ADAMTSL1: variants seen among roughly 807,000 people sequenced by gnomAD.
The protein encoded by ADAMTSL1 is ADAMTS like 1, also known as ADAMTS-like protein 1.
ADAMTSL1 carries 126 observed loss-of-function variants against 201.8 expected under a neutral mutation model. The ratio of observed to expected loss-of-function variants is 0.62; its 90% CI spans 0.54 to 0.72. The LOEUF (loss-of-function observed/expected upper bound fraction) is 0.72. Ranked by LOEUF, ADAMTSL1 falls within the 30% of genes least tolerant of loss-of-function variation. ADAMTSL1 has a pLI of 0.00. For missense variants in ADAMTSL1, 2,679 were observed against 2,277.8 expected (o/e 1.18, Z -3.59); for synonymous variants, 1,121 against 903.4 (o/e 1.24, Z -4.32).
chr9:18,828,248 C>T (rs1824717692), intron 22 of ADAMTSL1, among the ~76,000 whole-genome samples: 1 of 152,040 alleles, frequency 6.6e-6, no homozygotes. Flanking sequence ...CTGGGAAGAG[C>T]AAATGGACAT....
chr9:18,751,878 C>T lies in ADAMTSL1; in HGVS notation c.2007-1420C>T, dbSNP rs1433788231. ...GGCCGAGGCGGGCGGATCACGAGGT[C>T]GGGAGATCGAGGCCATCCCGGCTAA... On this transcript the variant is annotated intron_variant, in intron 15 of 28. Coordinates refer to ENST00000380548, the MANE Select transcript of ADAMTSL1 (RefSeq NM_001040272.6). Among the ~76,000 whole-genome samples, 2 of 2,966 alleles carry T rather than the reference C, an allele frequency of 6.7e-4. 1 individual carries two copies. The highest frequency in any genetic ancestry group is 1.8e-3 in the Non-Finnish European group (2 of 1,114). 1.9% of individuals were successfully genotyped at this position (2,966 alleles called of 152,430 possible).
chr9:18,654,714 G>T (rs1013999456), intron 7 of ADAMTSL1, among the ~76,000 whole-genome samples: 3 of 152,210 alleles, frequency 2.0e-5, no homozygotes, highest in Non-Finnish European at 4.4e-5. Context: ...TGAGGATACA[G>T]TATCTCTGTC....
chr9:17,934,888 C>T (rs1826940648), intron 1 of ADAMTSL1, among the ~76,000 whole-genome samples: 1 of 112,956 alleles, frequency 8.9e-6, no homozygotes, highest in African/African-American at 3.4e-5. Context: ...CCTCTTTCTG[C>T]ATCCTATTTC....
chr9:18,610,607 T>A (rs1431455926), intron 4 of ADAMTSL1, among the ~76,000 whole-genome samples: 1 of 152,170 alleles, frequency 6.6e-6, no homozygotes, highest in Non-Finnish European at 1.5e-5. Flanking sequence ...GATAGCACTG[T>A]CAAAGAAGTT....
chr9:18,241,550 TA>T (rs887861563), intron 2 of ADAMTSL1, among the ~76,000 whole-genome samples: 39 of 150,168 alleles, frequency 2.6e-4, no homozygotes, highest in Middle Eastern at 3.5e-3. Context: ...CTTCTCTCTT[TA>T]AAAAAAAAAT....
chr9:17,993,249 T>G (rs751025276), intron 1 of ADAMTSL1, among the ~76,000 whole-genome samples: 1 of 152,216 alleles, frequency 6.6e-6, no homozygotes, highest in East Asian at 1.9e-4. Flanking sequence ...TGGCCTTTTA[T>G]GAAGTTAGGG....
chr9:18,851,908 T>A (rs1312128768), intron 23 of ADAMTSL1, among the ~76,000 whole-genome samples: 1 of 152,246 alleles, frequency 6.6e-6, no homozygotes, highest in Non-Finnish European at 1.5e-5. Flanking sequence ...ATCAGGAAGC[T>A]GCTGATCACC....
At chr9:18,557,850 T>A (rs1821197313) in intron 3 of ADAMTSL1, among the ~76,000 whole-genome samples, 1 of 152,068 alleles carries the variant, frequency 6.6e-6, no homozygotes, top group South Asian at 2.1e-4. Context: ...TTGTCTTTTT[T>A]TTCTATTTAG....
chr9:18,194,464 G>A (rs1829093854), intron 2 of ADAMTSL1, among the ~76,000 whole-genome samples: 1 of 152,030 alleles, frequency 6.6e-6, no homozygotes, highest in African/African-American at 2.4e-5. Flanking sequence ...CCCCTGCGCT[G>A]GTCCTCCTAG....
At chr9:18,621,727 C>G (rs13293473) in intron 4 of ADAMTSL1, among the ~76,000 whole-genome samples, 9,650 of 152,220 alleles carry the variant, frequency 0.063, 391 homozygotes, top group Non-Finnish European at 0.093. Context: ...AAGCACTGTT[C>G]TCACTGCTTG....
intron 2 of ADAMTSL1, among the ~76,000 whole-genome samples, chr9:18,382,785 A>G (rs1298506671): frequency 6.6e-6 from 1 of 151,654 alleles, no homozygotes; most frequent in Admixed American, 6.6e-5. Flanking sequence ...CACCTACTGA[A>G]AAGAGATCTC....
chr9:17,946,599 T>C (rs1490673152), intron 1 of ADAMTSL1, among the ~76,000 whole-genome samples: 2 of 152,120 alleles, frequency 1.3e-5, no homozygotes, highest in Non-Finnish European at 2.9e-5. Context: ...GAAAATTTTC[T>C]AATTAAAAAT....
chr9:18,852,723 A>G (rs1280109661), intron 23 of ADAMTSL1, among the ~76,000 whole-genome samples: 2 of 152,226 alleles, frequency 1.3e-5, no homozygotes, highest in Non-Finnish European at 2.9e-5. Context: ...ACTATGATCA[A>G]ACCACATAAC....
chr9:18,132,466 T>G (rs1328539884), intron 1 of ADAMTSL1, among the ~76,000 whole-genome samples: 1 of 152,156 alleles, frequency 6.6e-6, no homozygotes, highest in Non-Finnish European at 1.5e-5. Context: ...TCTTAATTGT[T>G]AAATATCAGA....
chr9:18,275,815 T>C (rs1191491397), intron 2 of ADAMTSL1, among the ~76,000 whole-genome samples: 2 of 152,170 alleles, frequency 1.3e-5, no homozygotes. Flanking sequence ...AAAACTGTTA[T>C]TACATACTTG....
intron 1 of ADAMTSL1, among the ~76,000 whole-genome samples, chr9:17,960,702 C>G (rs543304212): frequency 3.3e-5 from 5 of 152,272 alleles, no homozygotes; most frequent in African/African-American, 1.2e-4. Flanking sequence ...CTCACTATTC[C>G]TGTATTCATC....
chr9:18,322,076 G>A (rs957814968), intron 2 of ADAMTSL1, among the ~76,000 whole-genome samples: 5 of 152,030 alleles, frequency 3.3e-5, no homozygotes, highest in Non-Finnish European at 7.4e-5. Context: ...AATAAATACT[G>A]CAAACTAAAC....
At chr9:18,677,837 T>C (rs1450157241) in intron 10 of ADAMTSL1, among the ~76,000 whole-genome samples, 1 of 152,214 alleles carries the variant, frequency 6.6e-6, no homozygotes, top group East Asian at 1.9e-4. Context: ...GTATGTCTGA[T>C]ACTGAACTAG....
intron 4 of ADAMTSL1, among the ~76,000 whole-genome samples, chr9:18,602,543 G>T (rs1423764768): frequency 6.6e-6 from 1 of 152,146 alleles, no homozygotes; most frequent in Non-Finnish European, 1.5e-5. Flanking sequence ...GGGGGGACTT[G>T]GCAGCCTGCC....
Sources: gnomAD v4.1 joint callset for allele counts (sites outside exome capture counted in the v4.1 genomes callset) on GRCh38, gnomAD v4.1.1 for gene constraint, MANE v1.5 for transcripts, NCBI Gene and HGNC (gene_info 2026-07-23, HGNC 2026-07-21) for gene names.